LDLRAD3: variants seen among roughly 807,000 people sequenced by gnomAD.
LDLRAD3 encodes the protein low density lipoprotein receptor class A domain containing 3, also known as low-density lipoprotein receptor class A domain-containing protein 3.
Under a neutral mutation model 29.4 loss-of-function variants are expected in LDLRAD3, and 20 were observed. The observed-to-expected ratio is 0.68, with a 90% confidence interval of 0.48 to 0.99. LDLRAD3 has a LOEUF of 0.99. Ranked by LOEUF, LDLRAD3 falls within the 50% of genes least tolerant of loss-of-function variation. The probability of loss-of-function intolerance (pLI) is 0.00; values close to 1 mark genes in which losing one functional copy is unlikely to be tolerated. For synonymous variants in LDLRAD3, 157 were observed against 192.7 expected (o/e 0.81, Z 1.53); for missense variants, 420 against 454.3 (o/e 0.92, Z 0.69).
chr11:36,164,661 A>T (rs1387813188), intron 4 of LDLRAD3, among the ~76,000 whole-genome samples: 1 of 152,224 alleles, frequency 6.6e-6, no homozygotes, highest in Non-Finnish European at 1.5e-5. Flanking sequence ...TGGAGTGTCT[A>T]TGACAGCTAT....
intron 1 of LDLRAD3, among the ~76,000 whole-genome samples, chr11:36,023,110 T>C (rs974707214): frequency 3.9e-5 from 6 of 152,158 alleles, no homozygotes; most frequent in Non-Finnish European, 8.8e-5. Context: ...TTAAGAAAAT[T>C]TAAAAAGACT....
chr11:35,975,351 AG>A (rs1384697152), intron 1 of LDLRAD3, among the ~76,000 whole-genome samples: 2 of 152,224 alleles, frequency 1.3e-5, no homozygotes, highest in Non-Finnish European at 2.9e-5. Flanking sequence ...AATAGCAAAC[AG>A]CAGTAATAGC....
intron 3 of LDLRAD3, among the ~76,000 whole-genome samples, chr11:36,097,931 C>T (rs548176840): frequency 1.3e-5 from 2 of 152,250 alleles, no homozygotes; most frequent in South Asian, 4.2e-4. Context: ...CAAAGGCATC[C>T]CTGTATTATA....
At chr11:36,177,524 G>A (rs1590333628) in intron 4 of LDLRAD3, among the ~76,000 whole-genome samples, 3 of 152,194 alleles carry the variant, frequency 2.0e-5, no homozygotes, top group Admixed American at 6.5e-5. Context: ...TTGATGTGGT[G>A]CTCTCCCTCT....
At chr11:36,066,312 G>C (rs1852792998) in intron 2 of LDLRAD3, among the ~76,000 whole-genome samples, 1 of 151,976 alleles carries the variant, frequency 6.6e-6, no homozygotes, top group African/African-American at 2.4e-5. Flanking sequence ...CTCACATCTG[G>C]TCTTAATCCC....
At chr11:36,106,234 G>C (rs941172535) in intron 4 of LDLRAD3, among the ~76,000 whole-genome samples, 13 of 152,164 alleles carry the variant, frequency 8.5e-5, no homozygotes, top group African/African-American at 2.9e-4. Context: ...TTCATTTTCT[G>C]TACTTGGTGC....
intron 4 of LDLRAD3, among the ~76,000 whole-genome samples, chr11:36,221,373 A>AT (rs1156591271): frequency 3.3e-5 from 5 of 151,384 alleles, no homozygotes; most frequent in South Asian, 4.2e-4. Context: ...ATCTCAAAAA[A>AT]AAAAAAGAGG....
chr11:36,187,984 G>A (rs1266463715), intron 4 of LDLRAD3, among the ~76,000 whole-genome samples: 1 of 152,126 alleles, frequency 6.6e-6, no homozygotes, highest in Non-Finnish European at 1.5e-5. Context: ...ATCCTACTAA[G>A]AACCCTGAAA....
At chr11:36,221,397 A>T (rs879642597) in intron 4 of LDLRAD3, among the ~76,000 whole-genome samples, 2 of 151,282 alleles carry the variant, frequency 1.3e-5, no homozygotes, top group Non-Finnish European at 2.9e-5. Flanking sequence ...GGCTGGAGGC[A>T]TTGGAAGCTG....
chr11:36,128,883 CA>C (rs1252610684), intron 4 of LDLRAD3, among the ~76,000 whole-genome samples: 3 of 151,258 alleles, frequency 2.0e-5, no homozygotes, highest in Admixed American at 2.0e-4. Flanking sequence ...AAAGAAAAAT[CA>C]CCCTAGCATC....
intron 4 of LDLRAD3, among the ~76,000 whole-genome samples, chr11:36,144,863 G>GC: frequency 9.4e-6 from 1 of 105,914 alleles, no homozygotes; most frequent in Non-Finnish European, 2.1e-5. Flanking sequence ...GGGGGGGTCA[G>GC]CCCCCCGCCC....
rs114435750 is a variant in LDLRAD3, at chr11:36,222,379, C to G, written c.455-4706C>G. The stretch of plus-strand genomic sequence containing the variant: ...GGTTTACAGATATGAGTCACCATGC[C>G]TGGCCAATCTCAAAGAATATGCACA... On this transcript the variant is annotated intron_variant, in intron 4 of 5. Transcript: ENST00000315571. Among the ~76,000 whole-genome samples, 1,184 of 152,240 alleles carry G rather than the reference C, an allele frequency of 7.8e-3. 16 individuals are homozygous for G. The highest frequency in any genetic ancestry group is 0.027 in the African/African-American group (1,132 of 41,534).
chr11:36,040,517 C>T (rs1032395131), intron 2 of LDLRAD3, among the ~76,000 whole-genome samples: 2 of 152,076 alleles, frequency 1.3e-5, no homozygotes, highest in African/African-American at 4.8e-5. Context: ...TATCTCCCCC[C>T]ATTTTTCTCT....
chr11:35,960,947 T>C (rs263081), intron 1 of LDLRAD3, among the ~76,000 whole-genome samples: 6,307 of 152,274 alleles, frequency 0.041, 265 homozygotes, highest in African/African-American at 0.11. Context: ...AGTGGTGGGC[T>C]GTGGCCAGGC....
chr11:36,188,932 G>C (rs6484826), intron 4 of LDLRAD3, among the ~76,000 whole-genome samples: 132,499 of 151,972 alleles, frequency 0.87, 57,864 homozygotes, highest in East Asian at 0.97. Flanking sequence ...ATGAAGTGGC[G>C]CAACTGAATC....
intron 1 of LDLRAD3, among the ~76,000 whole-genome samples, chr11:36,018,317 T>G (rs1329290957): frequency 4.6e-5 from 7 of 152,234 alleles, no homozygotes; most frequent in Non-Finnish European, 1.5e-5. Context: ...AGGGGCTTTT[T>G]TCAAACTGAT....
In LDLRAD3 at chr11:36,195,239, G is replaced by A. The variant is rs569054882; in HGVS notation, c.455-31846G>A. On this transcript the variant is annotated intron_variant, in intron 4 of 5. Transcript: ENST00000315571. Reference sequence around the variant, plus strand: ...ACAGTAGGAGTATTTAGGATGAATAGTGGTAGGATGAGGAAGATGTTGAGC... The same window carrying A: ...ACAGTAGGAGTATTTAGGATGAATAATGGTAGGATGAGGAAGATGTTGAGC... Among the ~76,000 whole-genome samples, 4 of 152,324 alleles carry A rather than the reference G, an allele frequency of 2.6e-5. No homozygotes were observed. In the East Asian group the frequency reaches 7.7e-4, roughly 29 times the overall value.
At chr11:36,025,610 T>C (rs932774521) in intron 1 of LDLRAD3, among the ~76,000 whole-genome samples, 5 of 151,608 alleles carry the variant, frequency 3.3e-5, no homozygotes, top group Admixed American at 6.6e-5. Context: ...AGGATGGGCT[T>C]GATCTCCTGA....
At chr11:36,045,731 T>G (rs1354245741) in intron 2 of LDLRAD3, among the ~76,000 whole-genome samples, 1 of 151,910 alleles carries the variant, frequency 6.6e-6, no homozygotes, top group Admixed American at 6.6e-5. Context: ...GGTTTTTTTT[T>G]TTTTTTCATT....
Sources: gnomAD v4.1 joint callset for allele counts (sites outside exome capture counted in the v4.1 genomes callset) on GRCh38, gnomAD v4.1.1 for gene constraint, MANE v1.5 for transcripts, NCBI Gene and HGNC (gene_info 2026-07-23, HGNC 2026-07-21) for gene names.